Variants in MROH2B observed in about 807,000 individuals in gnomAD.
MROH2B encodes maestro heat like repeat family member 2B, also known as maestro heat-like repeat-containing protein family member 2B.
In MROH2B, 177 loss-of-function variants were observed where a neutral mutation model predicts 208.6. That is an observed-to-expected ratio of 0.85 (90% CI 0.75 to 0.96). The LOEUF is 0.96. Among genes scored for constraint, MROH2B ranks in the 40% least tolerant of loss-of-function variants. The pLI, the probability that MROH2B is intolerant of heterozygous loss-of-function variation, is 0.00. For synonymous variants in MROH2B, 728 were observed against 659.0 expected (o/e 1.10, Z -1.60); for missense variants, 2,002 against 1,878.7 (o/e 1.07, Z -1.21).
Position 41,070,880 on chromosome 5 carries a change from G to C in MROH2B, c.-28C>G, listed in dbSNP as rs372313039. 225 of 1,607,640 alleles carry C rather than the reference G, an allele frequency of 1.4e-4. 5 individuals carry two copies. In the South Asian group the frequency reaches 2.2e-3, roughly 16 times the overall value. ...CTTGGCTGTTTCAGGGTCTCTAAAA[G>C]ATAGCACCTAAGTATTAGAAATAGT... On this transcript the variant is annotated 5_prime_UTR_variant, in exon 1 of 42. It adds an upstream start codon to the 5' untranslated region. Transcript: ENST00000399564.
intron 23 of MROH2B, 33 bp from the exon 24 acceptor site, chr5:41,032,854 G>C: frequency 1.3e-6 from 2 of 1,593,330 alleles, no homozygotes; most frequent in Non-Finnish European, 1.7e-6. Flanking sequence ...AAATGTTTCA[G>C]AAAGGCTCAG....
intron 24 of MROH2B, 105 bp from the exon 25 acceptor site, chr5:41,019,123 T>G: frequency 7.1e-7 from 1 of 1,417,102 alleles, no homozygotes; most frequent in Non-Finnish European, 9.6e-7. Context: ...GCAACTAACG[T>G]GTCACATTTT....
chr5:41,030,959 G>T (rs957082781), intron 24 of MROH2B, among the ~76,000 whole-genome samples: 1 of 152,108 alleles, frequency 6.6e-6, no homozygotes, highest in African/African-American at 2.4e-5. Context: ...TGTTTATGAA[G>T]AATTGGTGAT....
At chr5:41,010,685 A>G (rs1050865169) in intron 30 of MROH2B, among the ~76,000 whole-genome samples, 4 of 152,212 alleles carry the variant, frequency 2.6e-5, no homozygotes, top group Non-Finnish European at 4.4e-5. Context: ...ATGATCTTAT[A>G]CTGGTGGATA....
intron 11 of MROH2B, among the ~76,000 whole-genome samples, chr5:41,053,076 A>G (rs189778067): frequency 6.6e-6 from 1 of 152,326 alleles, no homozygotes; most frequent in East Asian, 1.9e-4. Context: ...CATATTGTCT[A>G]TCACCATAGA....
intron 24 of MROH2B, among the ~76,000 whole-genome samples, chr5:41,019,667 A>G (rs911244766): frequency 6.6e-6 from 1 of 152,256 alleles, no homozygotes; most frequent in Admixed American, 6.5e-5. Context: ...AGTTAAGACA[A>G]TAAGATACCA....
intron 21 of MROH2B, 57 bp from the exon 22 acceptor site, chr5:41,033,921 C>T: frequency 6.5e-7 from 1 of 1,544,784 alleles, no homozygotes; most frequent in Non-Finnish European, 8.8e-7. Context: ...AGAGATATAC[C>T]CAACCCAACA....
At chr5:41,008,546 C>T (rs1201637628) in intron 33 of MROH2B, 60 bp downstream of exon 33, 1 of 1,569,168 alleles carries the variant, frequency 6.4e-7, no homozygotes, top group Non-Finnish European at 8.7e-7. Context: ...TTCTGCAGCA[C>T]CACTCCTGGA....
chr5:41,056,659 G>C (rs1743461812), intron 9 of MROH2B, among the ~76,000 whole-genome samples: 1 of 151,090 alleles, frequency 6.6e-6, no homozygotes, highest in Admixed American at 6.6e-5. Context: ...TAGAGTGAAG[G>C]ACAGAGAGAG....
At chr5:41,023,910 A>C (rs1212196622) in intron 24 of MROH2B, among the ~76,000 whole-genome samples, 1 of 152,254 alleles carries the variant, frequency 6.6e-6, no homozygotes, top group Non-Finnish European at 1.5e-5. Flanking sequence ...TTTTCAACCC[A>C]GAATTTCATA....
chr5:41,062,601 ATAT>A (rs1257817432), intron 5 of MROH2B, among the ~76,000 whole-genome samples: 2 of 152,186 alleles, frequency 1.3e-5, no homozygotes, highest in Admixed American at 6.5e-5. Context: ...TAAAATAATA[ATAT>A]TATTTTCTTC....
At chr5:41,030,605 A>T (rs1454859871) in intron 24 of MROH2B, among the ~76,000 whole-genome samples, 1 of 152,086 alleles carries the variant, frequency 6.6e-6, no homozygotes, top group African/African-American at 2.4e-5. Context: ...CATTTTTCAT[A>T]GGATATAGGA....
intron 33 of MROH2B, 132 bp downstream of exon 33, chr5:41,008,474 C>T (rs1741663953): frequency 2.0e-6 from 2 of 981,310 alleles, no homozygotes; most frequent in African/African-American, 1.6e-5. Flanking sequence ...GAGAGTAGAG[C>T]CTTGTAGAGC....
chr5:41,007,511 T>A (rs1176771353), intron 33 of MROH2B, 57 bp from the exon 34 acceptor site: 1 of 1,369,098 alleles, frequency 7.3e-7, no homozygotes, highest in Non-Finnish European at 9.5e-7. Context: ...GAATTGCAAA[T>A]TCCCAAGTTT....
chr5:41,059,285 A>G (rs1482447361), intron 6 of MROH2B, among the ~76,000 whole-genome samples: 8 of 152,186 alleles, frequency 5.3e-5, no homozygotes, highest in African/African-American at 1.9e-4. Context: ...AATGTGATAA[A>G]TTCTGATTAT....
chr5:41,050,938 G>A, intron 13 of MROH2B, 39 bp downstream of exon 13: 1 of 1,341,046 alleles, frequency 7.5e-7, no homozygotes, highest in East Asian at 2.5e-5. Flanking sequence ...TTAAGAAGGT[G>A]ATCAAAGTAA....
intron 24 of MROH2B, among the ~76,000 whole-genome samples, chr5:41,027,423 C>G (rs1161719543): frequency 2.0e-5 from 3 of 151,584 alleles, no homozygotes; most frequent in Non-Finnish European, 2.9e-5. Flanking sequence ...ATGCAGCCAA[C>G]AGACACATGA....
intron 6 of MROH2B, among the ~76,000 whole-genome samples, chr5:41,060,365 G>C (rs1743598012): frequency 6.6e-6 from 1 of 152,008 alleles, no homozygotes; most frequent in Non-Finnish European, 1.5e-5. Flanking sequence ...CCTTTCAAGG[G>C]TTTCTTGTTT....
Position 41,033,030 on chromosome 5 carries a change from T to C in MROH2B, c.2361+11A>G. The C allele has an allele frequency of 6.2e-7, 1 of 1,612,760 alleles. No homozygotes were observed. Among genetic ancestry groups the C allele is most frequent in the Non-Finnish European group, 8.5e-7 (1 of 1,179,140 alleles). On this transcript the variant is annotated intron_variant, in intron 23 of 41. Coordinates refer to ENST00000399564, the MANE Select transcript of MROH2B (RefSeq NM_173489.5). ...CTCAGGGCCTTTCTTATTCCCTCTC[T>C]GCACACTCACCAGCATGTAACCAAT...
Sources: gnomAD v4.1 joint callset for allele counts (sites outside exome capture counted in the v4.1 genomes callset) on GRCh38, gnomAD v4.1.1 for gene constraint, MANE v1.5 for transcripts, NCBI Gene and HGNC (gene_info 2026-07-23, HGNC 2026-07-21) for gene names.